Variants in FRMD5 observed in about 807,000 individuals in gnomAD.
The protein encoded by FRMD5 is FERM domain-containing protein 5.
A neutral mutation model predicts 69.0 loss-of-function variants in FRMD5; 20 were observed. The ratio of observed to expected loss-of-function variants is 0.29; its 90% CI spans 0.20 to 0.42. The LOEUF is 0.42. Among genes scored for constraint, FRMD5 ranks in the 10% least tolerant of loss-of-function variants. FRMD5 has a pLI of 1.00. For missense variants in FRMD5, 595 were observed against 708.6 expected (o/e 0.84, Z 1.82); for synonymous variants, 271 against 260.1 (o/e 1.04, Z -0.40).
At chr15:44,100,869 G>A (rs1182602530) in intron 1 of FRMD5, among the ~76,000 whole-genome samples, 3 of 152,100 alleles carry the variant, frequency 2.0e-5, no homozygotes, top group African/African-American at 7.2e-5. Flanking sequence ...CTAGTCTTGG[G>A]GCCAGGCACA....
At chr15:44,011,140 C>A (rs80292825) in intron 1 of FRMD5, among the ~76,000 whole-genome samples, 1 of 150,644 alleles carries the variant, frequency 6.6e-6, no homozygotes, top group Non-Finnish European at 1.5e-5. Context: ...GCCTTGGATG[C>A]CCAGCTAAGT....
chr15:43,946,219 A>G (rs985829487), intron 1 of FRMD5, among the ~76,000 whole-genome samples: 1 of 152,116 alleles, frequency 6.6e-6, no homozygotes, highest in African/African-American at 2.4e-5. Context: ...AGCTGTATCT[A>G]TTTCTCTGCT....
At chr15:44,038,257 G>T (rs1480686268) in intron 1 of FRMD5, among the ~76,000 whole-genome samples, 1 of 152,108 alleles carries the variant, frequency 6.6e-6, no homozygotes, top group Non-Finnish European at 1.5e-5. Flanking sequence ...TCACTCTGAT[G>T]ATAGTTTCTT....
chr15:43,927,062 A>C (rs1015262428), intron 1 of FRMD5, among the ~76,000 whole-genome samples: 10 of 152,026 alleles, frequency 6.6e-5, no homozygotes, highest in South Asian at 4.2e-4. Context: ...CCATAAAGAC[A>C]GAAACCCCAA....
Position 44,016,369 on chromosome 15 carries a change from C to G in FRMD5, c.103-92060G>C, listed in dbSNP as rs181886696. Among the ~76,000 whole-genome samples the G allele has an allele frequency of 3.3e-5, 5 of 152,184 alleles. No homozygotes were observed. In the East Asian group the frequency reaches 5.8e-4, roughly 18 times the overall value. On this transcript the variant is annotated intron_variant, in intron 1 of 13. Transcript: ENST00000417257. ...ACGAATAATGTATTTCTTCATTATA[C>G]CCTGAAACAGGCCATAGGGATGCAG...
chr15:43,872,862 A>AATAACATAAC lies in FRMD5; in HGVS notation c.*1022_*1023insGTTATGTTAT, dbSNP rs57954107. 3.3e-6 allele frequency: 1 copy of AATAACATAAC among 302,014 alleles called. No homozygotes were observed. The highest frequency in any genetic ancestry group is 5.6e-5 in the East Asian group (1 of 17,894). 18.7% of individuals were successfully genotyped at this position (302,014 alleles called of 1,614,324 possible). ...AAAACAAAATATGAATTGTTAAGAA[A>AATAACATAAC]ATAACATTTCGTTGTTAAAATATAA... On this transcript the variant is annotated 3_prime_UTR_variant, in exon 14 of 14. Transcript: ENST00000417257.
intron 1 of FRMD5, among the ~76,000 whole-genome samples, chr15:44,004,806 C>T (rs1275552131): frequency 6.6e-6 from 1 of 152,206 alleles, no homozygotes; most frequent in Admixed American, 6.5e-5. Flanking sequence ...AATGATTATG[C>T]TTAGTGAGAA....
At chr15:44,065,576 T>C (rs1893275349) in intron 1 of FRMD5, among the ~76,000 whole-genome samples, 1 of 152,136 alleles carries the variant, frequency 6.6e-6, no homozygotes, top group African/African-American at 2.4e-5. Flanking sequence ...CAGGTTGACT[T>C]AGACAGTTTA....
At chr15:43,902,152 A>C in intron 7 of FRMD5, 23 bp downstream of exon 7, 1 of 1,571,248 alleles carries the variant, frequency 6.4e-7, no homozygotes, top group Non-Finnish European at 8.8e-7. Context: ...AAGGTCATGC[A>C]GTCTCCAACC....
chr15:43,960,689 T>C (rs1029989307), intron 1 of FRMD5, among the ~76,000 whole-genome samples: 2 of 152,210 alleles, frequency 1.3e-5, no homozygotes, highest in Admixed American at 1.3e-4. Context: ...TGGTCTAAAA[T>C]GATTATTTTT....
chr15:44,053,316 T>C (rs865796653), intron 1 of FRMD5, among the ~76,000 whole-genome samples: 1 of 152,114 alleles, frequency 6.6e-6, no homozygotes, highest in Non-Finnish European at 1.5e-5. Context: ...TTAAGAGCAA[T>C]GGGAAGTTCT....
At chr15:44,003,221 T>A (rs1028634493) in intron 1 of FRMD5, among the ~76,000 whole-genome samples, 5 of 152,146 alleles carry the variant, frequency 3.3e-5, no homozygotes, top group South Asian at 2.1e-4. Context: ...TCTAACCACA[T>A]CTTACCACCT....
intron 1 of FRMD5, among the ~76,000 whole-genome samples, chr15:44,011,593 G>A (rs776607441): frequency 3.3e-5 from 5 of 152,196 alleles, no homozygotes; most frequent in African/African-American, 1.2e-4. Context: ...TGAAGCTATA[G>A]ATGTGAGACT....
chr15:44,010,524 A>G (rs1890669683), intron 1 of FRMD5, among the ~76,000 whole-genome samples: 1 of 151,272 alleles, frequency 6.6e-6, no homozygotes, highest in South Asian at 2.1e-4. Flanking sequence ...CGGCCTCCTG[A>G]GTAGCTGGCT....
chr15:43,875,804 G>GTTTTTTTTTTTTTTTTTTTTTTCTTTT (rs2088329334), intron 13 of FRMD5: 1 of 209,616 alleles, frequency 4.8e-6, no homozygotes, highest in Admixed American at 8.7e-5. Flanking sequence ...CCTGGGCCTA[G>GTTTTTTTTTTTTTTTTTTTTTTCTTTT]TTTTTTTTTT....
At chr15:44,037,369 G>C (rs1423173015) in intron 1 of FRMD5, among the ~76,000 whole-genome samples, 1 of 151,792 alleles carries the variant, frequency 6.6e-6, no homozygotes, top group African/African-American at 2.4e-5. Flanking sequence ...TGCCACATTT[G>C]CTTTATCCAG....
chr15:44,038,552 C>T (rs1892032515), intron 1 of FRMD5, among the ~76,000 whole-genome samples: 1 of 44,596 alleles, frequency 2.2e-5, no homozygotes, highest in Admixed American at 3.7e-4. Flanking sequence ...TAACAATTCT[C>T]AGTGGCTGTC....
rs533538244 is a variant in FRMD5, at chr15:44,137,930, T to G, written c.102+57023A>C. On this transcript the variant is annotated intron_variant, in intron 1 of 13. Transcript: ENST00000417257. ...ACTGGAAAAAGCAGTTATGTCATAC[T>G]GTACAATAAAACAGGCAGGAGGCAC... 3.3e-5 allele frequency among the ~76,000 whole-genome samples: 5 copies of G among 152,250 alleles called. No individual in the cohort carries two copies. The East Asian group carries it at 9.7e-4, about 29-fold the overall frequency.
At chr15:43,887,991 T>C (rs895054872) in intron 10 of FRMD5, among the ~76,000 whole-genome samples, 184 bp downstream of exon 10, 4 of 152,216 alleles carry the variant, frequency 2.6e-5, no homozygotes, top group Non-Finnish European at 4.4e-5. Context: ...CCACATTCTT[T>C]ACAAAATCCC....
Sources: gnomAD v4.1 joint callset for allele counts (sites outside exome capture counted in the v4.1 genomes callset) on GRCh38, gnomAD v4.1.1 for gene constraint, MANE v1.5 for transcripts, NCBI Gene and HGNC (gene_info 2026-07-23, HGNC 2026-07-21) for gene names.